Variants in IKBKE observed in about 807,000 individuals in gnomAD.
The protein encoded by IKBKE is inhibitor of nuclear factor kappa B kinase subunit epsilon.
In IKBKE, 45 loss-of-function variants were observed where a neutral mutation model predicts 92.1. That is an observed-to-expected ratio of 0.49 (90% CI 0.38 to 0.63). IKBKE has a LOEUF of 0.63. IKBKE is among the 20% of genes least tolerant of loss of function. The probability of loss-of-function intolerance (pLI) is 0.00; values close to 1 mark genes in which losing one functional copy is unlikely to be tolerated. For synonymous variants in IKBKE, 374 were observed against 380.3 expected (o/e 0.98, Z 0.19); for missense variants, 700 against 932.8 (o/e 0.75, Z 3.25).
chr1:206,483,296 C>A (rs1269909850), intron 13 of IKBKE, among the ~76,000 whole-genome samples: 1 of 152,068 alleles, frequency 6.6e-6, no homozygotes, highest in East Asian at 1.9e-4. Context: ...ATAGCAAATG[C>A]CAGGACTAGG....
intron 21 of IKBKE, among the ~76,000 whole-genome samples, chr1:206,494,592 C>CT (rs58971788): frequency 0.12 from 7,775 of 63,942 alleles, 1,816 homozygotes; most frequent in Non-Finnish European, 0.16. Context: ...AAAGTTCTTT[C>CT]TTTTTTTTTT....
Position 206,493,396 on chromosome 1 carries a change from A to G in IKBKE, c.2045+18A>G. ...CTTCTCCAGTAAGTGCTGGGGAGAA[A>G]GCGGTTGTGTATCTGTGTGGAAGGG... is the stretch of plus-strand genomic sequence containing the variant. On this transcript the variant is annotated intron_variant, in intron 20 of 21. Coordinates refer to ENST00000581977, the MANE Select transcript of IKBKE (RefSeq NM_014002.4). The G allele has an allele frequency of 6.3e-7, 1 of 1,574,882 alleles. No individual in the cohort carries two copies. The highest frequency in any genetic ancestry group is 8.7e-7 in the Non-Finnish European group (1 of 1,144,568).
intron 15 of IKBKE, among the ~76,000 whole-genome samples, chr1:206,486,221 T>A (rs1419693763): frequency 1.3e-5 from 2 of 152,276 alleles, no homozygotes; most frequent in Non-Finnish European, 2.9e-5. Context: ...CACAATACAC[T>A]GTGTGGGTAC....
rs1665922482 is a variant in IKBKE, at chr1:206,490,969, A to G, written c.1733+111A>G. On this transcript the variant is annotated intron_variant, in intron 17 of 21. Transcript: ENST00000581977. This position sits in a 1 kb window ranked among gnomAD's most constrained non-coding sequence, Gnocchi z 5.2. ...AGTGAAGGGCCCTGTCCCGGACTGCAGCTGAGCAGAGTTGGGGATAACAGG... is the reference window on the plus strand; with the variant it reads ...AGTGAAGGGCCCTGTCCCGGACTGCGGCTGAGCAGAGTTGGGGATAACAGG... 1 of 1,000,942 alleles carries G rather than the reference A, an allele frequency of 1.0e-6. No homozygotes were observed. Among genetic ancestry groups the G allele is most frequent in the Non-Finnish European group, 1.6e-6 (1 of 634,328 alleles). The allele number at this position is 1,000,942 out of a possible 1,614,324, so 62.0% of individuals were successfully genotyped here. A position where few individuals can be genotyped will look rare whatever the true frequency, so the allele number is the denominator to read the frequency against.
Position 206,477,732 on chromosome 1 carries a change from G to A in IKBKE, c.702-17G>A. 6.7e-7 allele frequency: 1 copy of A among 1,497,440 alleles called. No individual in the cohort carries two copies. The highest frequency in any genetic ancestry group is 9.1e-7 in the Non-Finnish European group (1 of 1,100,736). The allele number at this position is 1,497,440 out of a possible 1,614,324, so 92.8% of individuals were successfully genotyped here. On this transcript the variant is annotated splice_polypyrimidine_tract_variant and intron_variant, in intron 7 of 21. Transcript: ENST00000581977. ...TGATAGCTGGGGATCCCGCTGACCTGGCCTTCCTCCCCGCAGGTACCGGAT... is the reference window on the plus strand; with the variant it reads ...TGATAGCTGGGGATCCCGCTGACCTAGCCTTCCTCCCCGCAGGTACCGGAT...
At chr1:206,474,734 A>C in intron 4 of IKBKE, 131 bp from the exon 5 acceptor site, 1 of 1,112,426 alleles carries the variant, frequency 9.0e-7, no homozygotes, top group Non-Finnish European at 1.3e-6. Context: ...TGTGAGGCCA[A>C]GGAGGGAAGG....
intron 3 of IKBKE, among the ~76,000 whole-genome samples, chr1:206,473,752 A>G (rs1168045837): frequency 5.9e-5 from 9 of 152,050 alleles, no homozygotes; most frequent in African/African-American, 1.9e-4. Context: ...TCACGAGGTC[A>G]GGAGATCGAG....
chr1:206,492,239 C>T (rs1430830929), intron 18 of IKBKE: 2 of 359,780 alleles, frequency 5.6e-6, no homozygotes, highest in African/African-American at 2.1e-5. Flanking sequence ...TAAGTAGAAC[C>T]TTCTGTCACA....
chr1:206,492,801 G>A (rs1352412911), intron 18 of IKBKE: 16 of 660,154 alleles, frequency 2.4e-5, no homozygotes, highest in Non-Finnish European at 3.7e-5. Flanking sequence ...TCCACACTAC[G>A]GCTCTGAAGG....
intron 18 of IKBKE, chr1:206,492,198 C>A (rs1325325680): frequency 1.8e-5 from 6 of 340,608 alleles, no homozygotes; most frequent in Non-Finnish European, 2.9e-5. Flanking sequence ...ACACTAGGTG[C>A]CCCTGGGATA....
At chr1:206,483,334 G>A (rs1382264835) in intron 13 of IKBKE, among the ~76,000 whole-genome samples, 2 of 152,248 alleles carry the variant, frequency 1.3e-5, no homozygotes, top group Admixed American at 6.5e-5. Context: ...CTGACTCCCT[G>A]TGGAGATGTA....
Position 206,478,004 on chromosome 1 carries a change from G to T in IKBKE, c.812+145G>T. 2.3e-6 allele frequency: 2 copies of T among 873,910 alleles called. No individual in the cohort carries two copies. The highest frequency in any genetic ancestry group is 3.2e-5 in the South Asian group (2 of 62,298). The allele number at this position is 873,910 out of a possible 1,614,324, so 54.1% of individuals were successfully genotyped here. ...ACACCACTTTCCCATCTGGTTGCTG[G>T]AACGAGTTCTTCCAGCTCTTCCTCC... On this transcript the variant is annotated intron_variant, in intron 8 of 21. Transcript: ENST00000581977. This position sits in a 1 kb window ranked among gnomAD's most constrained non-coding sequence, Gnocchi z 4.8.
Position 206,470,630 on chromosome 1 carries a change from A to T in IKBKE, c.-191A>T, listed in dbSNP as rs17020312. The stretch of plus-strand genomic sequence containing the variant: ...GCTAAGAACACTGCTCATGAATGAC[A>T]GTGAGCCCTGAAAGCTCTGGGGGTG... On this transcript the variant is annotated 5_prime_UTR_variant, in exon 1 of 22. Coordinates refer to ENST00000581977, the MANE Select transcript of IKBKE (RefSeq NM_014002.4). 1.3e-5 allele frequency: 2 copies of T among 151,966 alleles called. No individual in the cohort carries two copies. The highest frequency in any genetic ancestry group is 2.9e-5 in the Non-Finnish European group (2 of 68,046). 9.4% of individuals were successfully genotyped at this position (151,966 alleles called of 1,614,324 possible).
In IKBKE at chr1:206,485,638, G is replaced by A. The variant is rs1489732401; in HGVS notation, c.1616+332G>A. On this transcript the variant is annotated intron_variant, in intron 15 of 21. Transcript: ENST00000581977. The surrounding 1 kb of genome is among the most constrained non-coding windows in gnomAD (Gnocchi z 5.0). ...CAGGCCCTTGGGTAGGTCCTCTCAC[G>A]TACAGCATCTCGTTGAATCCTGAAA... Among the ~76,000 whole-genome samples, 5 of 152,162 alleles carry A rather than the reference G, an allele frequency of 3.3e-5. No individual in the cohort carries two copies. Among genetic ancestry groups the A allele is most frequent in the South Asian group, 4.1e-4 (2 of 4,834 alleles).
intron 13 of IKBKE, among the ~76,000 whole-genome samples, chr1:206,482,776 C>G (rs564610818): frequency 5.3e-5 from 8 of 152,370 alleles, no homozygotes; most frequent in East Asian, 1.9e-4. Context: ...CTCCCAGCTC[C>G]CACATGTTGC....
intron 18 of IKBKE, 57 bp from the exon 19 acceptor site, chr1:206,492,966 C>A: frequency 1.4e-6 from 2 of 1,463,748 alleles, no homozygotes; most frequent in Non-Finnish European, 1.9e-6. Flanking sequence ...GCTAGGCGAG[C>A]CCTGGGGAAT....
rs1665217915 is a variant in IKBKE at position 206,478,943 on chromosome 1, G to T, written c.993G>T (p.Thr331=). ...LHHIYIHAHN[T]IAIFQEAVHK... ...TGCTCCCCACCACGGCTGTGTCTAGGATAGCCATTTTCCAGGAGGCCGTGC... is the reference window on the plus strand; with the variant it reads ...TGCTCCCCACCACGGCTGTGTCTAGTATAGCCATTTTCCAGGAGGCCGTGC... Residue 331 remains threonine, a splice_region_variant and synonymous_variant, in exon 10 of 22, where the codon ACG becomes ACT. Transcript: ENST00000581977. The surrounding 1 kb of genome is among the most constrained non-coding windows in gnomAD (Gnocchi z 4.8). 1 of 1,613,882 alleles carries T rather than the reference G, an allele frequency of 6.2e-7. No individual in the cohort carries two copies. Among genetic ancestry groups the T allele is most frequent in the African/African-American group, 1.3e-5 (1 of 74,886 alleles).
intron 13 of IKBKE, among the ~76,000 whole-genome samples, chr1:206,484,546 C>A (rs1030454809): frequency 8.5e-5 from 13 of 152,124 alleles, no homozygotes; most frequent in African/African-American, 3.1e-4. Flanking sequence ...CACTGGGCAG[C>A]AAGATGATAA....
At position 206,478,606 on chromosome 1, in the gene IKBKE, A is replaced by G. The variant is rs112458989; in HGVS notation, c.992+267A>G. Among the ~76,000 whole-genome samples the G allele has an allele frequency of 2.0e-5, 3 of 152,164 alleles. No homozygotes were observed. The highest frequency in any genetic ancestry group is 7.2e-5 in the African/African-American group (3 of 41,422). On this transcript the variant is annotated intron_variant, in intron 9 of 21. Coordinates refer to ENST00000581977, the MANE Select transcript of IKBKE (RefSeq NM_014002.4). This position sits in a 1 kb window ranked among gnomAD's most constrained non-coding sequence, Gnocchi z 4.8. ...TGTGCGTGGTGTATGTTGGCTGTACATTTCGTAAAGGTACTGCTCATAGTA... is the reference window on the plus strand; with the variant it reads ...TGTGCGTGGTGTATGTTGGCTGTACGTTTCGTAAAGGTACTGCTCATAGTA...
Sources: allele counts gnomAD v4.1 joint callset (sites outside exome capture counted in the v4.1 genomes callset), GRCh38; gene constraint gnomAD v4.1.1; non-coding constraint Gnocchi (gnomAD v3.1); transcripts MANE v1.5; gene names NCBI Gene and HGNC (gene_info 2026-07-23, HGNC 2026-07-21).